THOC1: variants seen among roughly 807,000 people sequenced by gnomAD.
THOC1 encodes the protein THO complex subunit 1, also known as THO complex 1.
Under a neutral mutation model 97.3 loss-of-function variants are expected in THOC1, and 29 were observed. That is an observed-to-expected ratio of 0.30 (90% CI 0.22 to 0.41). The LOEUF is 0.41. Ranked by LOEUF, THOC1 falls within the 10% of genes least tolerant of loss-of-function variation. The pLI is 1.00. For synonymous variants in THOC1, 255 were observed against 257.0 expected (o/e 0.99, Z 0.07); for missense variants, 529 against 761.9 (o/e 0.69, Z 3.60).
At chr18:233,638 A>G (rs925272790) in intron 11 of THOC1, among the ~76,000 whole-genome samples, 1 of 152,134 alleles carries the variant, frequency 6.6e-6, no homozygotes, top group Non-Finnish European at 1.5e-5. Context: ...TTATAATGCA[A>G]TCTTCTTTTG....
rs775390511 is a variant in THOC1, at chr18:247,928, C to T, written c.707G>A (p.Arg236Gln). 8 of 1,604,440 alleles carry T rather than the reference C, an allele frequency of 5.0e-6. No individual in the cohort carries two copies. Among genetic ancestry groups the T allele is most frequent in the African/African-American group, 4.0e-5 (3 of 74,434 alleles). Residue 236 changes from arginine to glutamine, a missense_variant, in exon 10 of 21, where the codon CGA becomes CAA. Physicochemically the swap from Arg to Gln is conservative, Grantham distance 43 (BLOSUM62 1). This residue lies in a region of THOC1 where 92 missense variants were observed against 127.0 expected (regional missense o/e 0.72). Transcript: ENST00000261600. ...CSIPIDYNLY[R>Q]KFWSLQDYFR... Reference sequence around the variant, plus strand: ...GTAATCCTGAAGTGACCAGAATTTTCGATACAGGTTGTAATCAATTGGAAT... The same window carrying T: ...GTAATCCTGAAGTGACCAGAATTTTTGATACAGGTTGTAATCAATTGGAAT...
intron 19 of THOC1, chr18:215,753 C>A: frequency 2.3e-6 from 1 of 431,642 alleles, no homozygotes; most frequent in Non-Finnish European, 4.2e-6. Context: ...AGCAGGAAGT[C>A]AGTAAAAAGC....
intron 12 of THOC1, 86 bp downstream of exon 12, chr18:226,714 TG>T: frequency 1.1e-6 from 1 of 909,866 alleles, no homozygotes; most frequent in Non-Finnish European, 1.7e-6. Flanking sequence ...TAACATGAAA[TG>T]GACACATACA....
At position 234,550 on chromosome 18, in the gene THOC1, T is replaced by TTG. The variant is rs1157216341; in HGVS notation, c.919-7650_919-7649insCA. On this transcript the variant is annotated intron_variant, in intron 11 of 20. Transcript: ENST00000261600. ...CTTAAAAATCTTTAATCTGTTTTTT[T>TTG]TTTGTTTTGTTTTTTCAGACACGGT... 3.6e-3 allele frequency among the ~76,000 whole-genome samples: 542 copies of TTG among 152,304 alleles called. 1 individual carries two copies. Among genetic ancestry groups the TTG allele is most frequent in the African/African-American group, 0.012 (505 of 41,566 alleles).
At chr18:258,114 G>GA (rs1194820375) in intron 7 of THOC1, among the ~76,000 whole-genome samples, 5 of 151,818 alleles carry the variant, frequency 3.3e-5, no homozygotes, top group Non-Finnish European at 5.9e-5. Context: ...TAAGCGCAGA[G>GA]AAAAAAATGT....
chr18:259,378 A>G (rs1372689776), intron 6 of THOC1, 103 bp from the exon 7 acceptor site: 2 of 971,578 alleles, frequency 2.1e-6, no homozygotes, highest in Admixed American at 3.3e-5. Context: ...GTATTTTCCT[A>G]AAGCAGTAGT....
At chr18:236,326 G>A (rs965055093) in intron 11 of THOC1, among the ~76,000 whole-genome samples, 1 of 147,874 alleles carries the variant, frequency 6.8e-6, no homozygotes, top group African/African-American at 2.5e-5. Flanking sequence ...ACTCAGCTTT[G>A]CATAACTAGG....
chr18:261,241 CCTT>C (rs1470594929), intron 4 of THOC1: 4 of 152,094 alleles, frequency 2.6e-5, no homozygotes, highest in Non-Finnish European at 5.9e-5. Flanking sequence ...ACTCATTCTT[CCTT>C]CTATTTTAAG....
Position 226,928 on chromosome 18 carries a change from C to T in THOC1, c.919-27G>A, listed in dbSNP as rs148019117. The T allele has an allele frequency of 6.5e-3, 10,006 of 1,538,380 alleles. 54 individuals carry two copies. The highest frequency in any genetic ancestry group is 8.2e-3 in the Non-Finnish European group (9,190 of 1,125,704). ...TACTCAAGAAACAAGCAAACACATA[C>T]GAAAACAACACATTAAAATCAAGTT... On this transcript the variant is annotated intron_variant, in intron 11 of 20. Coordinates refer to ENST00000261600, the MANE Select transcript of THOC1 (RefSeq NM_005131.3).
At chr18:252,748 C>T in intron 8 of THOC1, 136 bp from the exon 9 acceptor site, 1 of 688,640 alleles carries the variant, frequency 1.5e-6, no homozygotes, top group Non-Finnish European at 2.5e-6. Context: ...CTATCTAGAC[C>T]TATAGTTAAT....
Position 214,567 on chromosome 18 carries a change from C to G in THOC1, c.*59G>C, listed in dbSNP as rs1397432129. On this transcript the variant is annotated 3_prime_UTR_variant, in exon 21 of 21. Transcript: ENST00000261600. The stretch of plus-strand genomic sequence containing the variant: ...TTACCAAAACCAGTGGACCTCTTAT[C>G]AAATGCTGCTTGGTAACAAAATCTA... 8 of 1,418,602 alleles carry G rather than the reference C, an allele frequency of 5.6e-6. No individual in the cohort carries two copies. Among genetic ancestry groups the G allele is most frequent in the African/African-American group, 2.9e-5 (2 of 69,666 alleles). The allele number at this position is 1,418,602 out of a possible 1,614,324, so 87.9% of individuals were successfully genotyped here. A position where few individuals can be genotyped will look rare whatever the true frequency, so the allele number is the denominator to read the frequency against.
chr18:246,549 A>C lies in THOC1; in HGVS notation c.787-94T>G, dbSNP rs558460712. ...AAATGCCTAGAATTTACTCCCAGTC[A>C]ATCATGTATGTAGACTGTATATTGC... is the stretch of plus-strand genomic sequence containing the variant. On this transcript the variant is annotated intron_variant, in intron 10 of 20. Coordinates refer to ENST00000261600, the MANE Select transcript of THOC1 (RefSeq NM_005131.3). The C allele has an allele frequency of 2.0e-5, 21 of 1,056,636 alleles. No individual in the cohort carries two copies. The South Asian group carries it at 3.0e-4, about 15-fold the overall frequency. 65.5% of individuals were successfully genotyped at this position (1,056,636 alleles called of 1,614,324 possible). A position where few individuals can be genotyped will look rare whatever the true frequency, so the allele number is the denominator to read the frequency against.
chr18:221,998 C>T (rs568673128), intron 17 of THOC1, among the ~76,000 whole-genome samples: 1 of 152,222 alleles, frequency 6.6e-6, no homozygotes, highest in Non-Finnish European at 1.5e-5. Flanking sequence ...CTGTTTTGTA[C>T]TTTCTGTTGT....
At position 215,502 on chromosome 18, in the gene THOC1, A is replaced by C; in HGVS notation, c.1605T>G (p.Pro535=). 6.2e-7 allele frequency: 1 copy of C among 1,612,004 alleles called. No homozygotes were observed. Among genetic ancestry groups the C allele is most frequent in the Non-Finnish European group, 8.5e-7 (1 of 1,178,318 alleles). Residue 535 remains proline (P), a splice_region_variant and synonymous_variant, in exon 20 of 21, where the codon CCT becomes CCG. Transcript: ENST00000261600. ...CACCTGTTTTTATTTCTTCAGAAGG[A>C]GGCTAAAAATGAGAAAGAAGAATGT... ...MVIKLAKELP[P]PSEEIKTGED... is the part of the protein sequence containing the mutation.
intron 11 of THOC1, among the ~76,000 whole-genome samples, chr18:241,374 G>A (rs757639206): frequency 6.6e-6 from 1 of 152,186 alleles, no homozygotes; most frequent in Non-Finnish European, 1.5e-5. Flanking sequence ...GTTTCTTACT[G>A]CCAGGAACTT....
chr18:242,844 T>A lies in THOC1; in HGVS notation c.918+3480A>T, dbSNP rs1911954270. Among the ~76,000 whole-genome samples, 1 of 152,166 alleles carries A rather than the reference T, an allele frequency of 6.6e-6. No homozygotes were observed. Among genetic ancestry groups the A allele is most frequent in the Non-Finnish European group, 1.5e-5 (1 of 68,020 alleles). ...TTAGGTGTGAAGGCCTTTTTGGGAA[T>A]CCTAGTATCAAAACACCATGTAAGG... On this transcript the variant is annotated intron_variant, in intron 11 of 20. Coordinates refer to ENST00000261600, the MANE Select transcript of THOC1 (RefSeq NM_005131.3). The surrounding 1 kb of genome is among the most constrained non-coding windows in gnomAD (Gnocchi z 4.5).
At chr18:249,577 G>A (rs1199625711) in intron 9 of THOC1, among the ~76,000 whole-genome samples, 1 of 151,616 alleles carries the variant, frequency 6.6e-6, no homozygotes, top group Admixed American at 6.6e-5. Context: ...CAGGAGAATC[G>A]CTTGAGCCCA....
rs540852544 is a variant in THOC1 at position 216,199 on chromosome 18, G to A, written c.1602+287C>T. The A allele has an allele frequency of 3.3e-4, 87 of 267,020 alleles. No individual in the cohort carries two copies. Among genetic ancestry groups the A allele is most frequent in the Non-Finnish European group, 4.7e-4 (65 of 139,622 alleles). 16.5% of individuals were successfully genotyped at this position (267,020 alleles called of 1,614,324 possible). A position where few individuals can be genotyped will look rare whatever the true frequency, so the allele number is the denominator to read the frequency against. On this transcript the variant is annotated intron_variant, in intron 19 of 20. Coordinates refer to ENST00000261600, the MANE Select transcript of THOC1 (RefSeq NM_005131.3). ...AATCTCTTGACCTCATGATCCACCC[G>A]CCTCGGCCTCCCAAAGTGCTGGGAT...
At chr18:226,618 T>G (rs1210567606) in intron 12 of THOC1, among the ~76,000 whole-genome samples, 183 bp downstream of exon 12, 1 of 152,188 alleles carries the variant, frequency 6.6e-6, no homozygotes, top group East Asian at 1.9e-4. Context: ...CTGACAGATA[T>G]ATTTAACATC....
Sources: gnomAD v4.1 joint callset for allele counts (sites outside exome capture counted in the v4.1 genomes callset) on GRCh38, gnomAD v4.1.1 for gene constraint, gnomAD v4.1.1 regional missense constraint, Gnocchi (gnomAD v3.1) non-coding constraint, MANE v1.5 for transcripts, NCBI Gene and HGNC (gene_info 2026-07-23, HGNC 2026-07-21) for gene names.